EXOC4: variants seen among roughly 807,000 people sequenced by gnomAD.
EXOC4 encodes SEC8-like 1.
EXOC4 carries 71 observed loss-of-function variants against 107.2 expected under a neutral mutation model. That is an observed-to-expected ratio of 0.66 (90% CI 0.55 to 0.81). The LOEUF is 0.81. Among genes scored for constraint, EXOC4 ranks in the 30% least tolerant of loss-of-function variants. The pLI, the probability that EXOC4 is intolerant of heterozygous loss-of-function variation, is 0.00. For synonymous variants in EXOC4, 456 were observed against 441.2 expected (o/e 1.03, Z -0.42); for missense variants, 1,108 against 1,189.6 (o/e 0.93, Z 1.01).
chr7:133,792,769 G>A (rs1461439236), intron 10 of EXOC4, among the ~76,000 whole-genome samples: 4 of 152,044 alleles, frequency 2.6e-5, no homozygotes, highest in Non-Finnish European at 5.9e-5. Context: ...AATGGAAATG[G>A]CACTGTAAAA....
In EXOC4 at chr7:133,951,296, A is replaced by G. The variant is rs183268673; in HGVS notation, c.2206+13227A>G. 3.9e-5 allele frequency among the ~76,000 whole-genome samples: 6 copies of G among 152,324 alleles called. No homozygotes were observed. In the East Asian group the frequency reaches 1.2e-3, roughly 29 times the overall value. On this transcript the variant is annotated intron_variant, in intron 14 of 17. Transcript: ENST00000253861. ...TAGAGGAGTATGGGCTTGTCCTTGG[A>G]CAAGGTACTTGACATTGCTGATGAT... is the stretch of plus-strand genomic sequence containing the variant.
chr7:133,352,405 T>C (rs1336069534), intron 5 of EXOC4, among the ~76,000 whole-genome samples: 1 of 152,026 alleles, frequency 6.6e-6, no homozygotes, highest in Admixed American at 6.6e-5. Flanking sequence ...CCTTTATTAA[T>C]ATATAATGTC....
intron 10 of EXOC4, among the ~76,000 whole-genome samples, chr7:133,808,327 AT>A (rs965086652): frequency 4.6e-5 from 7 of 151,816 alleles, no homozygotes; most frequent in Admixed American, 1.3e-4. Context: ...ACCTTTATGG[AT>A]TTTTTTTCGG....
At chr7:133,509,439 A>G (rs932952170) in intron 9 of EXOC4, among the ~76,000 whole-genome samples, 1 of 151,664 alleles carries the variant, frequency 6.6e-6, no homozygotes, top group Non-Finnish European at 1.5e-5. Context: ...AAAAAAAAAA[A>G]GAAATATAAG....
chr7:133,632,683 ATT>A (rs1802618550), intron 10 of EXOC4, among the ~76,000 whole-genome samples: 1 of 152,042 alleles, frequency 6.6e-6, no homozygotes, highest in East Asian at 1.9e-4. Context: ...ATAATTCAAA[ATT>A]TTTCTTTTAT....
At chr7:134,043,138 C>T (rs1398674635) in intron 17 of EXOC4, among the ~76,000 whole-genome samples, 1 of 145,148 alleles carries the variant, frequency 6.9e-6, no homozygotes, top group Non-Finnish European at 1.5e-5. Context: ...CTAGTCTACT[C>T]CATTTTTTTT....
At chr7:133,972,947 A>T (rs1341714765) in intron 14 of EXOC4, among the ~76,000 whole-genome samples, 1 of 152,230 alleles carries the variant, frequency 6.6e-6, no homozygotes, top group African/African-American at 2.4e-5. Context: ...GGTAGCCACA[A>T]CTGTTACACA....
At chr7:133,527,775 A>C (rs1800108088) in intron 9 of EXOC4, among the ~76,000 whole-genome samples, 3 of 152,212 alleles carry the variant, frequency 2.0e-5, no homozygotes, top group Non-Finnish European at 4.4e-5. Context: ...GAAGCCCTAC[A>C]AAACAGTCAT....
intron 7 of EXOC4, among the ~76,000 whole-genome samples, chr7:133,471,335 C>G (rs1798872783): frequency 6.6e-6 from 1 of 151,550 alleles, no homozygotes; most frequent in African/African-American, 2.4e-5. Flanking sequence ...TCGCTTGAAC[C>G]TGGGAGGTGG....
Position 133,322,195 on chromosome 7 carries a change from T to C in EXOC4, c.763+4805T>C, listed in dbSNP as rs147144686. On this transcript the variant is annotated intron_variant, in intron 5 of 17. Transcript: ENST00000253861. ...GCGTGTTCACTCTGATGATAGTTTC[T>C]TTTGCTGTGCAGAAGCTCTTTAGTT... Among the ~76,000 whole-genome samples, 973 of 152,346 alleles carry C rather than the reference T, an allele frequency of 6.4e-3. 10 individuals are homozygous for C. Among genetic ancestry groups the C allele is most frequent in the African/African-American group, 0.022 (926 of 41,574 alleles).
intron 9 of EXOC4, among the ~76,000 whole-genome samples, chr7:133,538,956 T>TG (rs200797306): frequency 2.7e-4 from 1 of 3,678 alleles, no homozygotes; most frequent in East Asian, 0.019. Flanking sequence ...TGAAATAGCT[T>TG]GGGTTTTTTT....
chr7:133,407,537 A>G (rs1322757477), intron 7 of EXOC4, among the ~76,000 whole-genome samples: 2 of 152,208 alleles, frequency 1.3e-5, no homozygotes, highest in Non-Finnish European at 2.9e-5. Context: ...GCCTAAAGGT[A>G]AAAGAAGGGG....
chr7:133,405,256 A>G (rs1797190408), intron 7 of EXOC4, among the ~76,000 whole-genome samples: 1 of 152,128 alleles, frequency 6.6e-6, no homozygotes, highest in African/African-American at 2.4e-5. Context: ...AAAATTTGTA[A>G]TTTTATATTA....
chr7:133,873,797 G>C (rs1167295105), intron 11 of EXOC4, among the ~76,000 whole-genome samples: 1 of 152,180 alleles, frequency 6.6e-6, no homozygotes, highest in Admixed American at 6.5e-5. Flanking sequence ...GGTGTTTCCT[G>C]TGTGAAGAGA....
At chr7:133,740,714 C>T (rs554818044) in intron 10 of EXOC4, among the ~76,000 whole-genome samples, 1 of 152,304 alleles carries the variant, frequency 6.6e-6, no homozygotes, top group South Asian at 2.1e-4. Context: ...TCCCCTTTCT[C>T]ACTCCCCCTT....
rs11487151 is a variant in EXOC4 at position 133,879,028 on chromosome 7, A to G, written c.1735-16571A>G. Among the ~76,000 whole-genome samples the G allele has an allele frequency of 4.7e-3, 719 of 151,860 alleles. 8 individuals carry two copies. The highest frequency in any genetic ancestry group is 0.017 in the African/African-American group (684 of 41,396). ...GGGTGAGCCACTGCGCCTGGCCTCAATTTTCATTTTGTCTTAGTACCAATG... is the reference window on the plus strand; with the variant it reads ...GGGTGAGCCACTGCGCCTGGCCTCAGTTTTCATTTTGTCTTAGTACCAATG... On this transcript the variant is annotated intron_variant, in intron 11 of 17. Coordinates refer to ENST00000253861, the MANE Select transcript of EXOC4 (RefSeq NM_021807.4).
intron 7 of EXOC4, among the ~76,000 whole-genome samples, chr7:133,431,394 T>A (rs1292981875): frequency 6.6e-6 from 1 of 152,224 alleles, no homozygotes; most frequent in East Asian, 1.9e-4. Context: ...TGCCTATCAA[T>A]AAGTAGATAA....
intron 10 of EXOC4, among the ~76,000 whole-genome samples, chr7:133,705,879 T>C (rs1474383102): frequency 6.6e-6 from 1 of 152,184 alleles, no homozygotes; most frequent in East Asian, 1.9e-4. Context: ...ATTTCTGAAA[T>C]TTTTCGTTTT....
intron 17 of EXOC4, among the ~76,000 whole-genome samples, chr7:134,058,406 T>C (rs138881732): frequency 6.6e-6 from 1 of 152,270 alleles, no homozygotes; most frequent in Non-Finnish European, 1.5e-5. Flanking sequence ...AGAGGGACAG[T>C]CAACTTTTGG....
Sources: allele counts gnomAD v4.1 joint callset (sites outside exome capture counted in the v4.1 genomes callset), GRCh38; gene constraint gnomAD v4.1.1; transcripts MANE v1.5; gene names NCBI Gene and HGNC (gene_info 2026-07-23, HGNC 2026-07-21).